Variants in KCNQ3 observed in about 807,000 individuals in gnomAD.
KCNQ3 encodes the protein potassium voltage-gated channel subfamily Q member 3.
Under a neutral mutation model 92.5 loss-of-function variants are expected in KCNQ3, and 30 were observed. The observed-to-expected ratio is 0.32, with a 90% CI of 0.24 to 0.44. KCNQ3 has a LOEUF of 0.44. KCNQ3 is among the 20% of genes least tolerant of loss of function. The probability of loss-of-function intolerance (pLI) is 1.00; values close to 1 mark genes in which losing one functional copy is unlikely to be tolerated. For synonymous variants in KCNQ3, 450 were observed against 468.8 expected (o/e 0.96, Z 0.52); for missense variants, 913 against 1,140.3 (o/e 0.80, Z 2.87).
At chr8:132,435,795 C>T (rs1821378647) in intron 1 of KCNQ3, among the ~76,000 whole-genome samples, 1 of 152,044 alleles carries the variant, frequency 6.6e-6, no homozygotes, top group Non-Finnish European at 1.5e-5. Context: ...AACAATCCTC[C>T]CAAAGTGCTG....
intron 12 of KCNQ3, among the ~76,000 whole-genome samples, chr8:132,135,739 A>C (rs1263550340): frequency 6.6e-6 from 1 of 152,054 alleles, no homozygotes; most frequent in Non-Finnish European, 1.5e-5. Flanking sequence ...TTAAGCTCAA[A>C]ATTTGTTCAC....
intron 8 of KCNQ3, 63 bp downstream of exon 8, chr8:132,170,271 G>A (rs751958062): frequency 2.5e-6 from 3 of 1,214,374 alleles, no homozygotes; most frequent in East Asian, 4.6e-5. Flanking sequence ...CCACAGACAC[G>A]AATACAGACC....
intron 1 of KCNQ3, among the ~76,000 whole-genome samples, chr8:132,331,211 G>A (rs1189150882): frequency 2.0e-5 from 3 of 152,196 alleles, no homozygotes; most frequent in South Asian, 2.1e-4. Context: ...CACTGCAGAT[G>A]AGGAATTTGA....
chr8:132,172,433 CACAGACACACA>C (rs1354350946), intron 7 of KCNQ3, among the ~76,000 whole-genome samples, 154 bp downstream of exon 7: 1 of 150,700 alleles, frequency 6.6e-6, no homozygotes, highest in East Asian at 1.9e-4. Flanking sequence ...CACACACACA[CACAGACACACA>C]AGACACACAG....
In KCNQ3 at chr8:132,158,038, A is replaced by G. The variant is rs1001660464; in HGVS notation, c.1262+5430T>C. Among the ~76,000 whole-genome samples the G allele has an allele frequency of 7.9e-5, 12 of 152,258 alleles. No individual in the cohort carries two copies. In the Middle Eastern group the frequency reaches 0.01, roughly 129 times the overall value. ...CACACCCCATTATCCCAAGAGGAAAACTGAGACTAAGTCTTCAGGACATAT... is the reference window on the plus strand; with the variant it reads ...CACACCCCATTATCCCAAGAGGAAAGCTGAGACTAAGTCTTCAGGACATAT... On this transcript the variant is annotated intron_variant, in intron 9 of 14. Transcript: ENST00000388996.
intron 7 of KCNQ3, among the ~76,000 whole-genome samples, chr8:132,171,992 C>T (rs1208649695): frequency 1.4e-5 from 2 of 142,516 alleles, no homozygotes; most frequent in African/African-American, 5.1e-5. Flanking sequence ...CTCATCTCTA[C>T]AAAAAAAAAA....
At chr8:132,394,642 C>A (rs544598707) in intron 1 of KCNQ3, among the ~76,000 whole-genome samples, 1 of 152,102 alleles carries the variant, frequency 6.6e-6, no homozygotes, top group African/African-American at 2.4e-5. Context: ...CTACTTAACA[C>A]ACTGGTTATT....
chr8:132,425,821 C>A (rs1475231673), intron 1 of KCNQ3, among the ~76,000 whole-genome samples: 2 of 152,206 alleles, frequency 1.3e-5, no homozygotes, highest in African/African-American at 4.8e-5. Context: ...CCTGTCAGCT[C>A]AATGAATCTG....
intron 1 of KCNQ3, among the ~76,000 whole-genome samples, chr8:132,455,434 A>G (rs546056620): frequency 6.6e-6 from 1 of 152,236 alleles, no homozygotes. Flanking sequence ...TATGTTATAC[A>G]TATATTTTAC....
chr8:132,238,016 A>G (rs756667789), intron 1 of KCNQ3, among the ~76,000 whole-genome samples: 20 of 152,200 alleles, frequency 1.3e-4, no homozygotes, highest in South Asian at 1.2e-3. Context: ...AGCCAGAAAG[A>G]GAACACAGTA....
chr8:132,383,413 G>A (rs755644866), intron 1 of KCNQ3, among the ~76,000 whole-genome samples: 2 of 152,210 alleles, frequency 1.3e-5, no homozygotes, highest in Non-Finnish European at 2.9e-5. Flanking sequence ...AGGGATCTGG[G>A]GCTGGGGGAG....
intron 1 of KCNQ3, among the ~76,000 whole-genome samples, chr8:132,188,816 G>T (rs1034610264): frequency 5.3e-5 from 8 of 152,212 alleles, no homozygotes; most frequent in African/African-American, 1.7e-4. Context: ...TGCTTTGGGA[G>T]CATCCAGGAG....
chr8:132,278,707 G>A (rs1816418063), intron 1 of KCNQ3, among the ~76,000 whole-genome samples: 1 of 152,156 alleles, frequency 6.6e-6, no homozygotes, highest in African/African-American at 2.4e-5. Context: ...AGACCTCCTG[G>A]GCTAGGAATG....
chr8:132,201,054 G>A (rs1218568257), intron 1 of KCNQ3, among the ~76,000 whole-genome samples: 1 of 152,176 alleles, frequency 6.6e-6, no homozygotes, highest in African/African-American at 2.4e-5. Flanking sequence ...GTGAGCAAGA[G>A]AGTAAGAGGG....
chr8:132,334,655 C>T (rs1688407974), intron 1 of KCNQ3, among the ~76,000 whole-genome samples: 1 of 152,234 alleles, frequency 6.6e-6, no homozygotes, highest in South Asian at 2.1e-4. Context: ...TGTCATAATG[C>T]TTCCAGATGA....
chr8:132,244,920 C>CA (rs35215337), intron 1 of KCNQ3, among the ~76,000 whole-genome samples: 50,707 of 112,096 alleles, frequency 0.45, 12,170 homozygotes, highest in East Asian at 0.7. Context: ...CTCACTTGAC[C>CA]AAAAAAAAAA....
chr8:132,339,477 A>C (rs571681487), intron 1 of KCNQ3, among the ~76,000 whole-genome samples: 1 of 152,362 alleles, frequency 6.6e-6, no homozygotes, highest in Admixed American at 6.5e-5. Flanking sequence ...TCTTTAAAAA[A>C]AAACAAAATG....
chr8:132,174,405 G>A (rs1391935122), intron 5 of KCNQ3, 56 bp from the exon 6 acceptor site: 19 of 1,297,216 alleles, frequency 1.5e-5, no homozygotes, highest in Admixed American at 7.9e-5. Flanking sequence ...TATCAGGAAC[G>A]TGTTAACTGA....
At chr8:132,329,303 C>T (rs1483673091) in intron 1 of KCNQ3, among the ~76,000 whole-genome samples, 2 of 152,204 alleles carry the variant, frequency 1.3e-5, no homozygotes, top group Admixed American at 1.3e-4. Flanking sequence ...ACCTCCTCCA[C>T]CAGCCCCACC....
Sources: allele counts gnomAD v4.1 joint callset (sites outside exome capture counted in the v4.1 genomes callset), GRCh38; gene constraint gnomAD v4.1.1; transcripts MANE v1.5; gene names NCBI Gene and HGNC (gene_info 2026-07-23, HGNC 2026-07-21).